Variants in RNF220 observed in about 807,000 individuals in gnomAD.
The protein encoded by RNF220 is ring finger protein 220.
In RNF220, 7 loss-of-function variants were observed where a neutral mutation model predicts 67.1. The observed-to-expected ratio is 0.10, with a 90% CI of 0.06 to 0.20. The LOEUF (loss-of-function observed/expected upper bound fraction) is 0.20, where lower values mean the gene tolerates loss of function less well. Among genes scored for constraint, RNF220 ranks in the 10% least tolerant of loss-of-function variants. The probability of loss-of-function intolerance (pLI) is 1.00; values close to 1 mark genes in which losing one functional copy is unlikely to be tolerated. For synonymous variants in RNF220, 270 were observed against 283.2 expected (o/e 0.95, Z 0.47); for missense variants, 565 against 740.3 (o/e 0.76, Z 2.75).
intron 1 of RNF220, among the ~76,000 whole-genome samples, chr1:44,407,524 C>T (rs1047587208): frequency 5.3e-5 from 8 of 152,130 alleles, no homozygotes; most frequent in African/African-American, 1.9e-4. Context: ...CGTGAGTTCG[C>T]TTGCTGCGCT....
intron 2 of RNF220, among the ~76,000 whole-genome samples, chr1:44,567,496 C>A (rs1201104822): frequency 1.3e-4 from 20 of 152,046 alleles, no homozygotes; most frequent in Non-Finnish European, 2.9e-4. Context: ...GTGAATGACA[C>A]CAAGAATGCC....
At chr1:44,439,967 C>T (rs1651386457) in intron 2 of RNF220, among the ~76,000 whole-genome samples, 1 of 152,112 alleles carries the variant, frequency 6.6e-6, no homozygotes, top group Non-Finnish European at 1.5e-5. Context: ...TCCAGGGACA[C>T]AGGATATGCA....
chr1:44,556,568 C>CTT (rs59473428), intron 2 of RNF220, among the ~76,000 whole-genome samples: 31 of 140,820 alleles, frequency 2.2e-4, no homozygotes, highest in African/African-American at 7.0e-4. Flanking sequence ...TCTTCCTGTT[C>CTT]TTTTTTTTTT....
intron 2 of RNF220, among the ~76,000 whole-genome samples, chr1:44,514,783 C>T (rs1329573571): frequency 1.3e-5 from 2 of 152,248 alleles, no homozygotes; most frequent in East Asian, 3.9e-4. Flanking sequence ...GGGAAGTACC[C>T]GAGTCACAGA....
chr1:44,525,584 C>T (rs1390544953), intron 2 of RNF220, among the ~76,000 whole-genome samples: 1 of 152,198 alleles, frequency 6.6e-6, no homozygotes, highest in Admixed American at 6.5e-5. Context: ...CACCCTCATA[C>T]AAACATCCCT....
chr1:44,511,715 A>G (rs917129554), intron 2 of RNF220, among the ~76,000 whole-genome samples: 5 of 152,236 alleles, frequency 3.3e-5, no homozygotes, highest in Non-Finnish European at 7.3e-5. Flanking sequence ...TGAACCACTT[A>G]TAATTATGTC....
At chr1:44,636,272 C>A in intron 8 of RNF220, 110 bp downstream of exon 8, 2 of 1,431,478 alleles carry the variant, frequency 1.4e-6, no homozygotes, top group South Asian at 2.4e-5. Flanking sequence ...TCCATCCGTT[C>A]CACCACGTGG....
In RNF220 at chr1:44,621,712, G is replaced by A. The variant is rs1246727916; in HGVS notation, c.759-1030G>A. Among the ~76,000 whole-genome samples, 6 of 152,164 alleles carry A rather than the reference G, an allele frequency of 3.9e-5. No individual in the cohort carries two copies. The highest frequency in any genetic ancestry group is 4.8e-5 in the African/African-American group (2 of 41,432). On this transcript the variant is annotated intron_variant, in intron 3 of 14. Coordinates refer to ENST00000361799, the MANE Select transcript of RNF220 (RefSeq NM_018150.4). This position sits in a 1 kb window ranked among gnomAD's most constrained non-coding sequence, Gnocchi z 4.8. ...GTGGATGTTCCTTATGTCTACACTCGTTAAGTCCCTATGTGCCCCATGCAT... is the reference window on the plus strand; with the variant it reads ...GTGGATGTTCCTTATGTCTACACTCATTAAGTCCCTATGTGCCCCATGCAT...
intron 8 of RNF220, among the ~76,000 whole-genome samples, chr1:44,640,133 C>T (rs1205220307): frequency 6.6e-6 from 1 of 152,240 alleles, no homozygotes; most frequent in East Asian, 1.9e-4. Context: ...AAAACTTCAG[C>T]GCCAGAAGTA....
intron 2 of RNF220, among the ~76,000 whole-genome samples, chr1:44,609,590 A>T (rs1667518278): frequency 6.6e-6 from 1 of 152,164 alleles, no homozygotes; most frequent in South Asian, 2.1e-4. Flanking sequence ...CCGGCACTTG[A>T]GTTGCCTGTT....
intron 2 of RNF220, among the ~76,000 whole-genome samples, chr1:44,485,559 T>C (rs1656212370): frequency 6.6e-6 from 1 of 152,162 alleles, no homozygotes; most frequent in Non-Finnish European, 1.5e-5. Flanking sequence ...AGGCCGTTTT[T>C]CCCCAGGAAA....
chr1:44,490,802 G>T (rs1035344223), intron 2 of RNF220, among the ~76,000 whole-genome samples: 2 of 151,714 alleles, frequency 1.3e-5, no homozygotes, highest in African/African-American at 2.4e-5. Context: ...CCCAAAAATT[G>T]GTTCTTTGGA....
intron 2 of RNF220, among the ~76,000 whole-genome samples, chr1:44,542,665 C>T (rs907321210): frequency 1.3e-5 from 2 of 152,128 alleles, no homozygotes; most frequent in African/African-American, 2.4e-5. Flanking sequence ...CAGGGTGATC[C>T]GTAACTCACT....
chr1:44,517,768 A>G (rs1266096717), intron 2 of RNF220, among the ~76,000 whole-genome samples: 1 of 152,242 alleles, frequency 6.6e-6, no homozygotes, highest in Admixed American at 6.5e-5. Flanking sequence ...TTAAAAAGGA[A>G]TATTAAATTA....
chr1:44,430,476 C>T (rs1386396746), intron 2 of RNF220, among the ~76,000 whole-genome samples: 2 of 152,184 alleles, frequency 1.3e-5, no homozygotes, highest in East Asian at 3.9e-4. Flanking sequence ...TGGAAACCCT[C>T]TTCTACTATC....
At chr1:44,575,797 G>C (rs376186650) in intron 2 of RNF220, among the ~76,000 whole-genome samples, 6 of 152,254 alleles carry the variant, frequency 3.9e-5, no homozygotes, top group Non-Finnish European at 7.4e-5. Context: ...CCCACTACTG[G>C]GTATTTATCC....
rs1663730031 is a variant in RNF220 at position 44,563,304 on chromosome 1, G to A, written c.626-50861G>A. On this transcript the variant is annotated intron_variant, in intron 2 of 14. Coordinates refer to ENST00000361799, the MANE Select transcript of RNF220 (RefSeq NM_018150.4). ...TGGTCTGAGCTGATGCTGAGGCAGG[G>A]CCCCCTGAGCTGGTGGCCCCCCTGC... Among the ~76,000 whole-genome samples, 3 of 152,152 alleles carry A rather than the reference G, an allele frequency of 2.0e-5. No individual in the cohort carries two copies. In the South Asian group the frequency reaches 6.2e-4, roughly 31 times the overall value.
Position 44,644,694 on chromosome 1 carries a change from A to G in RNF220, c.1127-4A>G, listed in dbSNP as rs756955984. 1.9e-6 allele frequency: 3 copies of G among 1,613,590 alleles called. No individual in the cohort carries two copies. The highest frequency in any genetic ancestry group is 2.7e-5 in the African/African-American group (2 of 75,006). ...AGGCCCTCCTCACACCCTGCTTCCCACAGGCTCTGGCTTCATCATGTGCAG... is the reference window on the plus strand; with the variant it reads ...AGGCCCTCCTCACACCCTGCTTCCCGCAGGCTCTGGCTTCATCATGTGCAG... On this transcript the variant is annotated splice_region_variant and splice_polypyrimidine_tract_variant and intron_variant, in intron 8 of 14. Coordinates refer to ENST00000361799, the MANE Select transcript of RNF220 (RefSeq NM_018150.4).
At chr1:44,543,393 G>A (rs951657852) in intron 2 of RNF220, among the ~76,000 whole-genome samples, 19 of 152,174 alleles carry the variant, frequency 1.2e-4, no homozygotes, top group African/African-American at 4.3e-4. Flanking sequence ...CAGGCCTGGG[G>A]CCTTCTATTG....
Sources: gnomAD v4.1 joint callset for allele counts (sites outside exome capture counted in the v4.1 genomes callset) on GRCh38, gnomAD v4.1.1 for gene constraint, Gnocchi (gnomAD v3.1) non-coding constraint, MANE v1.5 for transcripts, NCBI Gene and HGNC (gene_info 2026-07-23, HGNC 2026-07-21) for gene names.